IGSF21: variants seen among roughly 807,000 people sequenced by gnomAD.
IGSF21 encodes the protein immunoglobin superfamily member 21, also known as immunoglobulin superfamily member 21.
In IGSF21, 28 loss-of-function variants were observed where a neutral mutation model predicts 46.8. The ratio of observed to expected loss-of-function variants is 0.60; its 90% CI spans 0.44 to 0.82. The LOEUF (loss-of-function observed/expected upper bound fraction) is 0.82, where lower values mean the gene tolerates loss of function less well. Ranked by LOEUF, IGSF21 falls within the 40% of genes least tolerant of loss-of-function variation. The probability of loss-of-function intolerance (pLI) is 0.00; values close to 1 mark genes in which losing one functional copy is unlikely to be tolerated. For synonymous variants in IGSF21, 284 were observed against 273.6 expected (o/e 1.04, Z -0.38); for missense variants, 624 against 665.5 (o/e 0.94, Z 0.69).
At chr1:18,343,102 C>T (rs765946688) in intron 4 of IGSF21, among the ~76,000 whole-genome samples, 3 of 152,186 alleles carry the variant, frequency 2.0e-5, no homozygotes, top group Non-Finnish European at 2.9e-5. Context: ...ACACTTGTTA[C>T]TATCTCTCTT....
chr1:18,173,204 C>T (rs1178989676), intron 1 of IGSF21, among the ~76,000 whole-genome samples: 8 of 152,266 alleles, frequency 5.3e-5, no homozygotes, highest in Admixed American at 1.3e-4. Context: ...AGGAGAATGG[C>T]GTGAACCCGG....
intron 6 of IGSF21, among the ~76,000 whole-genome samples, chr1:18,372,913 A>T (rs955840309): frequency 6.6e-6 from 1 of 150,510 alleles, no homozygotes; most frequent in Non-Finnish European, 1.5e-5. Flanking sequence ...TGGGTGAGTG[A>T]TTGTCTTAGA....
intron 1 of IGSF21, among the ~76,000 whole-genome samples, chr1:18,148,815 A>G (rs1351652880): frequency 1.3e-5 from 2 of 152,246 alleles, no homozygotes; most frequent in African/African-American, 4.8e-5. Context: ...AAGAAGTGGA[A>G]AAAACAAGCC....
At chr1:18,332,821 G>GCTGGGTGGTGGGAGGGGTGTA (rs1467550150) in intron 3 of IGSF21, among the ~76,000 whole-genome samples, 7 of 152,352 alleles carry the variant, frequency 4.6e-5, no homozygotes, top group African/African-American at 1.7e-4. Flanking sequence ...GCTAATGTGT[G>GCTGGGTGGTGGGAGGGGTGTA]CTGGGTGGTG....
intron 2 of IGSF21, among the ~76,000 whole-genome samples, chr1:18,242,235 C>T (rs142146336): frequency 4.6e-5 from 7 of 152,284 alleles, no homozygotes; most frequent in Non-Finnish European, 1.0e-4. Context: ...ACTCTCAGCA[C>T]GGCAGAGCAG....
intron 2 of IGSF21, among the ~76,000 whole-genome samples, chr1:18,280,505 C>T (rs149373544): frequency 6.6e-6 from 1 of 152,106 alleles, no homozygotes; most frequent in Non-Finnish European, 1.5e-5. Flanking sequence ...CAGCTAACAG[C>T]ACTCAGTTAT....
rs1347573572 is a variant in IGSF21, at chr1:18,365,246, A to C, written c.564A>C (p.Glu188Asp). ...AGGTTTATTTCAAACGAGATGGGGA[A>C]CCAATCGACGCAGTGCCCCTATCAG... ...APMVYFKRDG[E>D]PIDAVPLSEP... Residue 188 changes from glutamate to aspartate, a missense_variant, in exon 6 of 10, where the codon GAA becomes GAC. Glu to Asp is a conservative substitution (Grantham distance 45). Coordinates refer to ENST00000251296, the MANE Select transcript of IGSF21 (RefSeq NM_032880.5). The surrounding 1 kb of genome is among the most constrained non-coding windows in gnomAD (Gnocchi z 4.8). The C allele has an allele frequency of 1.9e-6, 3 of 1,604,546 alleles. No individual in the cohort carries two copies. The highest frequency in any genetic ancestry group is 2.6e-6 in the Non-Finnish European group (3 of 1,174,248).
intron 4 of IGSF21, among the ~76,000 whole-genome samples, chr1:18,353,800 A>T (rs2085985571): frequency 6.6e-6 from 1 of 152,246 alleles, no homozygotes; most frequent in African/African-American, 2.4e-5. Context: ...TGTTTGGCGC[A>T]TGGTGATGGG....
At chr1:18,271,684 T>C (rs1008897654) in intron 2 of IGSF21, among the ~76,000 whole-genome samples, 1 of 152,188 alleles carries the variant, frequency 6.6e-6, no homozygotes, top group African/African-American at 2.4e-5. Context: ...GTCCTGTCTC[T>C]AGAAGGAGCA....
At chr1:18,121,030 C>T (rs1446694330) in intron 1 of IGSF21, among the ~76,000 whole-genome samples, 1 of 152,180 alleles carries the variant, frequency 6.6e-6, no homozygotes, top group Admixed American at 6.5e-5. Context: ...CCATTTAGGT[C>T]ATCTTTCCAC....
chr1:18,331,474 T>A (rs1477434956), intron 3 of IGSF21, among the ~76,000 whole-genome samples: 2 of 152,244 alleles, frequency 1.3e-5, no homozygotes, highest in Non-Finnish European at 2.9e-5. Context: ...TTCCACGGTA[T>A]AGATATATAC....
rs186265717 is a variant in IGSF21, at chr1:18,328,168, G to A, written c.306-6724G>A. On this transcript the variant is annotated intron_variant, in intron 3 of 9. Coordinates refer to ENST00000251296, the MANE Select transcript of IGSF21 (RefSeq NM_032880.5). ...GTTCCCGGACTTATGATGGGATTAC[G>A]TCCCAATAAGTCCATCGTAAGTTCA... Among the ~76,000 whole-genome samples, 10 of 152,292 alleles carry A rather than the reference G, an allele frequency of 6.6e-5. No individual in the cohort carries two copies. The East Asian group carries it at 1.7e-3, about 26-fold the overall frequency.
At position 18,335,066 on chromosome 1, in the gene IGSF21, AGT is replaced by A; in HGVS notation, c.424+62_424+63del. On this transcript the variant is annotated intron_variant, in intron 4 of 9. Transcript: ENST00000251296. This position sits in a 1 kb window ranked among gnomAD's most constrained non-coding sequence, Gnocchi z 4.8. ...TCAGTGAGGAGGACGAGTATGCTTG[AGT>A]GTGTGAATGTGCGCACAGAGTGGCC... is the stretch of plus-strand genomic sequence containing the variant. The A allele has an allele frequency of 7.2e-7, 1 of 1,385,648 alleles. No individual in the cohort carries two copies. Among genetic ancestry groups the A allele is most frequent in the Non-Finnish European group, 1.0e-6 (1 of 972,470 alleles). The allele number at this position is 1,385,648 out of a possible 1,614,324, so 85.8% of individuals were successfully genotyped here.
At chr1:18,247,909 C>T (rs984871483) in intron 2 of IGSF21, among the ~76,000 whole-genome samples, 5 of 152,266 alleles carry the variant, frequency 3.3e-5, no homozygotes, top group Middle Eastern at 6.8e-3. Flanking sequence ...AGCATCTACA[C>T]TCTCATTTAG....
At chr1:18,253,116 T>A (rs1272472834) in intron 2 of IGSF21, among the ~76,000 whole-genome samples, 1 of 152,158 alleles carries the variant, frequency 6.6e-6, no homozygotes, top group Non-Finnish European at 1.5e-5. Flanking sequence ...CACTCTACCA[T>A]AATAAATGAA....
chr1:18,316,529 G>T (rs1429096641), intron 3 of IGSF21, among the ~76,000 whole-genome samples: 1 of 152,116 alleles, frequency 6.6e-6, no homozygotes, highest in Non-Finnish European at 1.5e-5. Context: ...TTGTGTGCAA[G>T]CCCCTGCCCC....
At chr1:18,317,872 A>G (rs2085558884) in intron 3 of IGSF21, among the ~76,000 whole-genome samples, 1 of 152,222 alleles carries the variant, frequency 6.6e-6, no homozygotes, top group African/African-American at 2.4e-5. Flanking sequence ...AAGTACTCTC[A>G]TTACCCCAAA....
At chr1:18,364,253 A>G (rs1442532793) in intron 5 of IGSF21, among the ~76,000 whole-genome samples, 2 of 152,208 alleles carry the variant, frequency 1.3e-5, no homozygotes, top group Non-Finnish European at 2.9e-5. Flanking sequence ...ACCTGCATTT[A>G]AAGCACTTTT....
At chr1:18,341,009 C>CTT (rs1320687024) in intron 4 of IGSF21, among the ~76,000 whole-genome samples, 30 of 72,996 alleles carry the variant, frequency 4.1e-4, no homozygotes, top group African/African-American at 1.5e-3. Flanking sequence ...CCTCCTCCTT[C>CTT]TTCTCTTCTT....
Sources: allele counts gnomAD v4.1 joint callset (sites outside exome capture counted in the v4.1 genomes callset), GRCh38; gene constraint gnomAD v4.1.1; non-coding constraint Gnocchi (gnomAD v3.1); transcripts MANE v1.5; gene names NCBI Gene and HGNC (gene_info 2026-07-23, HGNC 2026-07-21).